Variants in CEP128 observed in about 807,000 individuals in gnomAD.
The protein encoded by CEP128 is centrosomal protein 128kDa.
Under a neutral mutation model 156.7 loss-of-function variants are expected in CEP128, and 132 were observed. That is an observed-to-expected ratio of 0.84 (90% confidence interval 0.73 to 0.97). CEP128 has a LOEUF of 0.97. Among genes scored for constraint, CEP128 ranks in the 50% least tolerant of loss-of-function variants. The pLI is 0.00. For synonymous variants in CEP128, 469 were observed against 448.9 expected (o/e 1.04, Z -0.57); for missense variants, 1,252 against 1,281.9 (o/e 0.98, Z 0.36).
At chr14:80,585,338 T>A (rs1050672112) in intron 19 of CEP128, among the ~76,000 whole-genome samples, 1 of 152,194 alleles carries the variant, frequency 6.6e-6, no homozygotes, top group African/African-American at 2.4e-5. Flanking sequence ...TTTAAGGAGG[T>A]TTGACACTTT....
intron 19 of CEP128, among the ~76,000 whole-genome samples, chr14:80,677,338 C>T (rs946672640): frequency 1.3e-5 from 2 of 151,826 alleles, no homozygotes; most frequent in Non-Finnish European, 1.5e-5. Context: ...GGTGAAATGC[C>T]GTATCTGCTA....
intron 14 of CEP128, among the ~76,000 whole-genome samples, chr14:80,788,028 C>A (rs766029341): frequency 9.2e-5 from 14 of 152,266 alleles, no homozygotes; most frequent in Middle Eastern, 3.4e-3. Flanking sequence ...CAGACAGTCA[C>A]AGACCATGTG....
chr14:80,840,630 C>G, intron 10 of CEP128, 52 bp downstream of exon 10: 1 of 1,138,508 alleles, frequency 8.8e-7, no homozygotes, highest in Non-Finnish European at 1.3e-6. Flanking sequence ...TCAACAAATA[C>G]CATTGGCCCC....
chr14:80,653,802 A>T (rs938021322), intron 19 of CEP128, among the ~76,000 whole-genome samples: 1 of 152,178 alleles, frequency 6.6e-6, no homozygotes, highest in Admixed American at 6.6e-5. Flanking sequence ...GTGAGATGTG[A>T]CCCATTAGGA....
intron 19 of CEP128, among the ~76,000 whole-genome samples, chr14:80,596,819 CAA>C (rs57402112): frequency 7.1e-5 from 1 of 14,054 alleles, no homozygotes; most frequent in African/African-American, 4.4e-4. Context: ...GACACTGTCA[CAA>C]AAAAAAAAAA....
intron 19 of CEP128, among the ~76,000 whole-genome samples, chr14:80,615,311 G>T (rs1893163726): frequency 6.6e-6 from 1 of 152,132 alleles, no homozygotes; most frequent in African/African-American, 2.4e-5. Context: ...GAATGATAAG[G>T]GTCCACTATG....
intron 23 of CEP128, among the ~76,000 whole-genome samples, chr14:80,507,926 T>C (rs1888055497): frequency 6.6e-6 from 1 of 152,242 alleles, no homozygotes; most frequent in Admixed American, 6.5e-5. Context: ...TTTTTTTGTT[T>C]ATTTTTGAGA....
chr14:80,647,633 T>C (rs1391789157), intron 19 of CEP128, among the ~76,000 whole-genome samples: 1 of 152,074 alleles, frequency 6.6e-6, no homozygotes, highest in Non-Finnish European at 1.5e-5. Flanking sequence ...TTTGACAAGG[T>C]ATGAAGACAT....
intron 21 of CEP128, among the ~76,000 whole-genome samples, chr14:80,557,501 C>A (rs1168398097): frequency 6.6e-6 from 1 of 152,082 alleles, no homozygotes; most frequent in Non-Finnish European, 1.5e-5. Flanking sequence ...ACGTTTTTGT[C>A]CAGATTTTTT....
At chr14:80,502,020 C>T (rs1887761017) in intron 24 of CEP128, among the ~76,000 whole-genome samples, 1 of 152,170 alleles carries the variant, frequency 6.6e-6, no homozygotes, top group Admixed American at 6.5e-5. Context: ...GCATAAGTTG[C>T]TCTTTAATTT....
At chr14:80,672,119 A>G (rs1041487970) in intron 19 of CEP128, among the ~76,000 whole-genome samples, 4 of 152,182 alleles carry the variant, frequency 2.6e-5, no homozygotes, top group African/African-American at 4.8e-5. Context: ...TGCAATATCA[A>G]TAGGACATAA....
intron 21 of CEP128, among the ~76,000 whole-genome samples, chr14:80,539,999 CT>C (rs1440190823): frequency 6.6e-6 from 1 of 152,102 alleles, no homozygotes; most frequent in African/African-American, 2.4e-5. Context: ...CTCTCGAACC[CT>C]GTTTTCTGTT....
intron 19 of CEP128, among the ~76,000 whole-genome samples, chr14:80,581,970 A>G (rs975845528): frequency 2.0e-5 from 3 of 152,196 alleles, no homozygotes; most frequent in Admixed American, 6.5e-5. Flanking sequence ...ACTCTGTTTC[A>G]GTCCAGACTG....
intron 19 of CEP128, among the ~76,000 whole-genome samples, chr14:80,658,094 T>G (rs1191466493): frequency 6.6e-6 from 1 of 152,220 alleles, no homozygotes; most frequent in East Asian, 1.9e-4. Context: ...TACTTTAGAT[T>G]GATAATTTAG....
At chr14:80,929,733 G>T (rs1885348316) in intron 2 of CEP128, among the ~76,000 whole-genome samples, 1 of 151,964 alleles carries the variant, frequency 6.6e-6, no homozygotes, top group African/African-American at 2.4e-5. Flanking sequence ...GTGTGAGAGG[G>T]GGTTGAGGGA....
Position 80,525,719 on chromosome 14 carries a change from T to G in CEP128, c.3072+1150A>C, listed in dbSNP as rs541603410. ...AAAGGAACAAAGTCACAGGATGCTC[T>G]CTTCACAGTAAGGGTATCAATAACC... On this transcript the variant is annotated intron_variant, in intron 23 of 24. Transcript: ENST00000555265. Among the ~76,000 whole-genome samples the G allele has an allele frequency of 2.6e-5, 4 of 152,316 alleles. No homozygotes were observed. The East Asian group carries it at 7.7e-4, about 29-fold the overall frequency.
At chr14:80,806,275 TAAGC>T (rs1884171958) in intron 13 of CEP128, among the ~76,000 whole-genome samples, 1 of 152,182 alleles carries the variant, frequency 6.6e-6, no homozygotes, top group Non-Finnish European at 1.5e-5. Flanking sequence ...ATACTAAACT[TAAGC>T]AAACTACAGA....
chr14:80,617,690 C>T (rs960169672), intron 19 of CEP128, among the ~76,000 whole-genome samples: 2 of 152,110 alleles, frequency 1.3e-5, no homozygotes, highest in Non-Finnish European at 2.9e-5. Flanking sequence ...CGCCTGTAAC[C>T]CAGCACCTGG....
intron 8 of CEP128, among the ~76,000 whole-genome samples, chr14:80,890,582 C>A (rs772090549): frequency 6.6e-6 from 1 of 152,002 alleles, no homozygotes; most frequent in East Asian, 1.9e-4. Flanking sequence ...ACAATGAGAA[C>A]ACATGGACAC....
Sources: allele counts gnomAD v4.1 joint callset (sites outside exome capture counted in the v4.1 genomes callset), GRCh38; gene constraint gnomAD v4.1.1; transcripts MANE v1.5; gene names NCBI Gene and HGNC (gene_info 2026-07-23, HGNC 2026-07-21).